The following IMPG2 variants were observed in gnomAD, a reference collection of about 807,000 sequenced individuals.
IMPG2 encodes the protein IPM 200.
Under a neutral mutation model 129.2 loss-of-function variants are expected in IMPG2, and 91 were observed. The ratio of observed to expected loss-of-function variants is 0.70; its 90% CI spans 0.59 to 0.84. IMPG2 has a LOEUF of 0.84. IMPG2 is among the 40% of genes least tolerant of loss of function. The pLI is 0.00. For synonymous variants in IMPG2, 510 were observed against 517.7 expected, an observed-to-expected ratio of 0.99 and a Z score of 0.20; for missense variants, 1,430 against 1,461.7, an observed-to-expected ratio of 0.98 and a Z score of 0.35.
At chr3:101,314,008 T>G (rs917675393) in intron 2 of IMPG2, among the ~76,000 whole-genome samples, 1 of 152,094 alleles carries the variant, frequency 6.6e-6, no homozygotes, top group Non-Finnish European at 1.5e-5. Context: ...TGTGAAATCC[T>G]TATAAATAAA....
Position 101,242,850 on chromosome 3 carries a change from A to T in IMPG2, c.2860T>A (p.Phe954Ile). The T allele has an allele frequency of 1.2e-6, 2 of 1,614,100 alleles. No homozygotes were observed. The highest frequency in any genetic ancestry group is 1.3e-5 in the African/African-American group (1 of 75,054). Reference sequence around the variant, plus strand: ...TTCACCACAATGCTGCCATTTCTGAAGTTGAGGATTTCTAAGTTCTGGAAC... The same window carrying T: ...TTCACCACAATGCTGCCATTTCTGATGTTGAGGATTTCTAAGTTCTGGAAC... The part of the protein sequence containing the change: ...TGFQNLEILN[F>I]RNGSIVVNSR... The change falls in exon 14 of 19, where the codon TTC (phenylalanine) becomes ATC (isoleucine). Residue 954 changes from phenylalanine to isoleucine, a missense_variant. By Grantham distance (21) the Phe-to-Ile change is conservative. Transcript: ENST00000193391.
At chr3:101,252,768 C>A (rs910568185) in intron 11 of IMPG2, among the ~76,000 whole-genome samples, 38 of 152,180 alleles carry the variant, frequency 2.5e-4, no homozygotes, top group African/African-American at 8.9e-4. Flanking sequence ...GAAGAAATGG[C>A]TGCAGAGATT....
In IMPG2 at chr3:101,234,354, A is replaced by G. The variant is rs181477344; in HGVS notation, c.3023-1363T>C. 1.4e-4 allele frequency among the ~76,000 whole-genome samples: 21 copies of G among 151,964 alleles called. No homozygotes were observed. In the East Asian group the frequency reaches 3.9e-3, roughly 28 times the overall value. On this transcript the variant is annotated intron_variant, in intron 14 of 18. Transcript: ENST00000193391. Reference sequence around the variant, plus strand: ...CTGGTAAACATCAGAAACCAGGAAAAGGTAAGGAAAGAGTCTTCCCTAGAT... The same window carrying G: ...CTGGTAAACATCAGAAACCAGGAAAGGGTAAGGAAAGAGTCTTCCCTAGAT...
chr3:101,275,713 C>G lies in IMPG2; in HGVS notation c.616G>C (p.Asp206His). 6.2e-7 allele frequency: 1 copy of G among 1,613,910 alleles called. No individual in the cohort carries two copies. The highest frequency in any genetic ancestry group is 8.5e-7 in the Non-Finnish European group (1 of 1,179,836). The change falls in exon 6 of 19, where the codon GAC becomes CAC. Residue 206 changes from aspartate (D) to histidine (H), a missense_variant. Asp to His is a moderately conservative substitution (Grantham distance 81). Coordinates refer to ENST00000193391, the MANE Select transcript of IMPG2 (RefSeq NM_016247.4). ...CTCTCTGAGGCACCTTCATAGGCGT[C>G]CACCTCTGGATGTGGAACACTGAGA... ...TTLSVPHPEVDAYEGASESSL... is the reference protein window; with the variant it reads ...TTLSVPHPEVHAYEGASESSL...
chr3:101,228,868 T>C lies in IMPG2; in HGVS notation c.3642A>G (p.Gln1214=). 1 of 1,613,294 alleles carries C rather than the reference T, an allele frequency of 6.2e-7. No homozygotes were observed. The highest frequency in any genetic ancestry group is 8.5e-7 in the Non-Finnish European group (1 of 1,179,264). Residue 1214 remains glutamine (Q), a synonymous_variant, in exon 18 of 19, where the codon CAA becomes CAG. Transcript: ENST00000193391. Reference sequence around the variant, plus strand: ...ACAGTTCCAAAACTCTCATTCTCTCTTGAATTTCCTTAAACAAAAAAGAAA... The same window carrying C: ...ACAGTTCCAAAACTCTCATTCTCTCCTGAATTTCCTTAAACAAAAAAGAAA... ...ESSELSREEI[Q]ERMRVLELYA...
rs182449634 is a variant in IMPG2, at chr3:101,300,564, T to C, written c.501+3582A>G. Among the ~76,000 whole-genome samples, 7 of 152,350 alleles carry C rather than the reference T, an allele frequency of 4.6e-5. No individual in the cohort carries two copies. The East Asian group carries it at 1.3e-3, about 29-fold the overall frequency. On this transcript the variant is annotated intron_variant, in intron 3 of 18. Coordinates refer to ENST00000193391, the MANE Select transcript of IMPG2 (RefSeq NM_016247.4). ...ATCTTCTGATCTGTGGGTTGCACAG[T>C]TCCGTGGAAAAAGCACGTTTTCCCA...
At chr3:101,250,866 T>C (rs1309964656) in intron 11 of IMPG2, among the ~76,000 whole-genome samples, 4 of 152,198 alleles carry the variant, frequency 2.6e-5, no homozygotes, top group Admixed American at 1.3e-4. Flanking sequence ...CTTTCCAGCC[T>C]TCCCCTTTAT....
rs9842047 is a variant in IMPG2, at chr3:101,280,823, C to T, written c.534-4110G>A. 6.8e-3 allele frequency among the ~76,000 whole-genome samples: 1,030 copies of T among 152,138 alleles called. 12 individuals carry two copies. The highest frequency in any genetic ancestry group is 0.023 in the African/African-American group (936 of 41,504). Reference sequence around the variant, plus strand: ...AATTAGCCGGGCATAGTGGCACATGCCTGTAATCCCAGCTACTCGGGAGGC... The same window carrying T: ...AATTAGCCGGGCATAGTGGCACATGTCTGTAATCCCAGCTACTCGGGAGGC... On this transcript the variant is annotated intron_variant, in intron 4 of 18. Coordinates refer to ENST00000193391, the MANE Select transcript of IMPG2 (RefSeq NM_016247.4).
chr3:101,284,944 CT>C (rs1706929532), intron 4 of IMPG2, among the ~76,000 whole-genome samples: 1 of 152,166 alleles, frequency 6.6e-6, no homozygotes, highest in South Asian at 2.1e-4. Flanking sequence ...AATTAGTTAA[CT>C]TTCCTTTTGC....
At chr3:101,235,695 G>C (rs556529731) in intron 14 of IMPG2, among the ~76,000 whole-genome samples, 1 of 152,308 alleles carries the variant, frequency 6.6e-6, no homozygotes, top group Admixed American at 6.5e-5. Flanking sequence ...TGTATGTTTG[G>C]AAAAGTGCCT....
chr3:101,318,707 A>G lies in IMPG2; in HGVS notation c.334+877T>C, dbSNP rs117377681. Among the ~76,000 whole-genome samples, 54 of 152,252 alleles carry G rather than the reference A, an allele frequency of 3.5e-4. 2 individuals are homozygous for G. In the East Asian group the frequency reaches 0.01, roughly 29 times the overall value. On this transcript the variant is annotated intron_variant, in intron 2 of 18. Coordinates refer to ENST00000193391, the MANE Select transcript of IMPG2 (RefSeq NM_016247.4). ...AAAAGCCTCATTTTACAATCACTTC[A>G]TCATCTAATTTCACCTTGTTTACTA... is the stretch of plus-strand genomic sequence containing the variant.
chr3:101,242,148 G>A (rs1706416007), intron 14 of IMPG2, among the ~76,000 whole-genome samples: 2 of 152,160 alleles, frequency 1.3e-5, no homozygotes, highest in Admixed American at 1.3e-4. Context: ...TAGCTGGAGA[G>A]TGGTGAGATA....
chr3:101,267,661 T>A (rs1467017436), intron 8 of IMPG2, 130 bp from the exon 9 acceptor site: 3 of 774,506 alleles, frequency 3.9e-6, no homozygotes, highest in Non-Finnish European at 6.6e-6. Context: ...ATAAAAATGC[T>A]GACAAATTCC....
Position 101,245,822 on chromosome 3 carries a change from C to A in IMPG2, c.1523G>T (p.Gly508Val). Residue 508 changes from glycine (G) to valine (V), a missense_variant, in exon 12 of 19, where the codon GGA becomes GTA. Transcript: ENST00000193391. ...CTCACCATCTTCTACCAAGTGAGATCCAGAAGTCCTTTCCTCAGAAGCCAC... is the reference window on the plus strand; with the variant it reads ...CTCACCATCTTCTACCAAGTGAGATACAGAAGTCCTTTCCTCAGAAGCCAC... ...LPVASEERTSGSHLVEDGLAN... is the reference protein window; with the variant it reads ...LPVASEERTSVSHLVEDGLAN... 6.2e-7 allele frequency: 1 copy of A among 1,614,106 alleles called. No individual in the cohort carries two copies. Among genetic ancestry groups the A allele is most frequent in the Non-Finnish European group, 8.5e-7 (1 of 1,179,946 alleles).
chr3:101,320,103 T>A (rs1005121203), intron 1 of IMPG2, among the ~76,000 whole-genome samples, 185 bp downstream of exon 1: 3 of 151,976 alleles, frequency 2.0e-5, no homozygotes, highest in Non-Finnish European at 4.4e-5. Context: ...AAACCAGAAA[T>A]TACTAATGAG....
At chr3:101,269,494 T>C in intron 8 of IMPG2, 21 bp downstream of exon 8, 1 of 1,366,178 alleles carries the variant, frequency 7.3e-7, no homozygotes, top group Non-Finnish European at 1.0e-6. Context: ...AAAATGTGCA[T>C]ATTTAGATAA....
intron 2 of IMPG2, among the ~76,000 whole-genome samples, chr3:101,315,220 G>A (rs768192619): frequency 6.6e-6 from 1 of 152,178 alleles, no homozygotes; most frequent in Non-Finnish European, 1.5e-5. Context: ...TGTTACTGTT[G>A]TTTAACAGCT....
chr3:101,285,100 G>A (rs1247951250), intron 4 of IMPG2, among the ~76,000 whole-genome samples: 3 of 152,176 alleles, frequency 2.0e-5, no homozygotes, highest in Admixed American at 1.3e-4. Context: ...TAGGGTAATT[G>A]TGACAATTAA....
chr3:101,289,143 A>G (rs1706978191), intron 4 of IMPG2, among the ~76,000 whole-genome samples: 2 of 152,212 alleles, frequency 1.3e-5, no homozygotes. Flanking sequence ...GCTACATGGT[A>G]GGTTTTTCAA....
Sources: allele counts gnomAD v4.1 joint callset (sites outside exome capture counted in the v4.1 genomes callset), GRCh38; gene constraint gnomAD v4.1.1; transcripts MANE v1.5; gene names NCBI Gene and HGNC (gene_info 2026-07-23, HGNC 2026-07-21).